CRAMP1: variants seen among roughly 807,000 people sequenced by gnomAD.
CRAMP1 encodes the protein protein cramped-like.
CRAMP1 carries 50 observed loss-of-function variants against 115.4 expected under a neutral mutation model. The observed-to-expected ratio is 0.43, with a 90% CI of 0.35 to 0.55. The LOEUF is 0.55. Ranked by LOEUF, CRAMP1 falls within the 20% of genes least tolerant of loss-of-function variation. The pLI, the probability that CRAMP1 is intolerant of heterozygous loss-of-function variation, is 0.01. For synonymous variants in CRAMP1, 866 were observed against 745.4 expected (o/e 1.16, Z -2.64); for missense variants, 1,679 against 1,721.7 (o/e 0.98, Z 0.44).
chr16:1,659,021 C>T (rs1213001470), intron 10 of CRAMP1, among the ~76,000 whole-genome samples: 1 of 151,966 alleles, frequency 6.6e-6, no homozygotes, highest in African/African-American at 2.4e-5. Context: ...CAGGCTGTGG[C>T]GTGGGCCTGC....
rs1159273751 is a variant in CRAMP1, at chr16:1,656,196, C to G, written c.1439C>G (p.Ala480Gly). 7 of 1,602,196 alleles carry G rather than the reference C, an allele frequency of 4.4e-6. No homozygotes were observed. The South Asian group carries it at 6.6e-5, about 15-fold the overall frequency. ...GKGVGRPPPA[A>G]DALQSSGESS... ...GGTGTGGGGCGGCCCCCTCCTGCGG[C>G]TGACGCCTTGCAGAGCTCCGGAGAG... The change falls in exon 10 of 21, where the codon GCT becomes GGT. Residue 480 changes from alanine (A) to glycine (G), a missense_variant. Transcript: ENST00000397412. The surrounding 1 kb of genome is among the most constrained non-coding windows in gnomAD (Gnocchi z 5.6).
rs763115931 is a variant in CRAMP1 at position 1,655,242 on chromosome 16, A to G, written c.1061A>G (p.Lys354Arg). The G allele has an allele frequency of 8.1e-6, 13 of 1,613,968 alleles. No homozygotes were observed. In the South Asian group the frequency reaches 1.4e-4, roughly 18 times the overall value. ...AGGATGATCGTGGAGCTACATCGAA[A>G]GGTCTCCAGCCTCATCGAATTCTTG... ...RLRMIVELHR[K>R]VSSLIEFLKQ... Residue 354 changes from lysine to arginine, a missense_variant, in exon 9 of 21, where the codon AAG becomes AGG. Lys to Arg is a conservative substitution (Grantham distance 26). Coordinates refer to ENST00000397412, the MANE Select transcript of CRAMP1 (RefSeq NM_020825.4).
At position 1,617,794 on chromosome 16, in the gene CRAMP1, C is replaced by G. The variant is rs904779630; in HGVS notation, c.346+2809C>G. Among the ~76,000 whole-genome samples the G allele has an allele frequency of 2.0e-5, 3 of 152,054 alleles. No homozygotes were observed. The East Asian group carries it at 5.8e-4, about 29-fold the overall frequency. ...CTCTTATTGACTTCAATGAAAAATG[C>G]TTTTTTTTCTAGTTCAGTTTCAAAT... On this transcript the variant is annotated intron_variant, in intron 2 of 20. Coordinates refer to ENST00000397412, the MANE Select transcript of CRAMP1 (RefSeq NM_020825.4).
intron 2 of CRAMP1, among the ~76,000 whole-genome samples, chr16:1,621,626 AG>A (rs1353964960): frequency 6.6e-6 from 1 of 152,136 alleles, no homozygotes; most frequent in Non-Finnish European, 1.5e-5. Flanking sequence ...CCCTTTATCT[AG>A]GCTCCGTGGG....
rs533670379 is a variant in CRAMP1, at chr16:1,676,379, C to T, written c.*2334C>T. 3.9e-5 allele frequency: 6 copies of T among 152,378 alleles called. No homozygotes were observed. In the East Asian group the frequency reaches 7.7e-4, roughly 20 times the overall value. The allele number at this position is 152,378 out of a possible 1,614,324, so 9.4% of individuals were successfully genotyped here. On this transcript the variant is annotated 3_prime_UTR_variant, in exon 21 of 21. Transcript: ENST00000397412. Reference sequence around the variant, plus strand: ...TTCTCTAGTAACTAGACAGGTGATACGCATTTGCTTGCCACATTAAGGGAA... The same window carrying T: ...TTCTCTAGTAACTAGACAGGTGATATGCATTTGCTTGCCACATTAAGGGAA...
At chr16:1,668,875 C>T (rs1284741986) in intron 18 of CRAMP1, 126 bp from the exon 19 acceptor site, 2 of 844,148 alleles carry the variant, frequency 2.4e-6, no homozygotes, top group East Asian at 5.4e-5. Context: ...CGAGCCATGC[C>T]ATCCATCTGG....
rs138933192 is a variant in CRAMP1, at chr16:1,664,112, C to T, written c.2671-945C>T. ...AGTGTCCTGGGGCATTTCAAAGGGT[C>T]AGAACTGCAGCGGCACCCCCAGAGG... On this transcript the variant is annotated intron_variant, in intron 13 of 20. Transcript: ENST00000397412. Among the ~76,000 whole-genome samples, 14 of 152,328 alleles carry T rather than the reference C, an allele frequency of 9.2e-5. 1 individual carries two copies. The East Asian group carries it at 2.7e-3, about 29-fold the overall frequency.
At chr16:1,657,100 A>G (rs1043949500) in intron 10 of CRAMP1, 108 bp downstream of exon 10, 1 of 1,038,984 alleles carries the variant, frequency 9.6e-7, no homozygotes. Context: ...GGTCCAGATG[A>G]GAGAGACAGG....
At position 1,653,066 on chromosome 16, in the gene CRAMP1, G is replaced by A; in HGVS notation, c.947G>A (p.Arg316His). 6.2e-7 allele frequency: 1 copy of A among 1,603,834 alleles called. No homozygotes were observed. Among genetic ancestry groups the A allele is most frequent in the Non-Finnish European group, 8.5e-7 (1 of 1,176,642 alleles). The change falls in exon 8 of 21, where the codon CGC becomes CAC. Residue 316 changes from arginine to histidine, a missense_variant. Transcript: ENST00000397412. The stretch of plus-strand genomic sequence containing the variant: ...GATGAAGAGGACCAGAAGCCAGTGC[G>A]CCTGCCTCTGAAAGTCCCTATAGAG... ...LSDEEDQKPV[R>H]LPLKVPIELQ...
intron 3 of CRAMP1, among the ~76,000 whole-genome samples, chr16:1,631,486 T>C (rs970341347): frequency 1.3e-5 from 2 of 152,184 alleles, no homozygotes; most frequent in African/African-American, 4.8e-5. Context: ...TGCAAAGTGG[T>C]ATTTAGAAAC....
Position 1,668,987 on chromosome 16 carries a change from A to G in CRAMP1, c.3335-14A>G. 1.2e-6 allele frequency: 2 copies of G among 1,612,458 alleles called. No individual in the cohort carries two copies. Among genetic ancestry groups the G allele is most frequent in the Non-Finnish European group, 8.5e-7 (1 of 1,179,276 alleles). On this transcript the variant is annotated splice_polypyrimidine_tract_variant and intron_variant, in intron 18 of 20. Coordinates refer to ENST00000397412, the MANE Select transcript of CRAMP1 (RefSeq NM_020825.4). ...CGCAACAAGGCGTTTCTGATCTGGG[A>G]TCTTGGTTGGCAGGTGAAGGAGTCC...
intron 2 of CRAMP1, among the ~76,000 whole-genome samples, chr16:1,621,495 G>A (rs900706181): frequency 6.6e-6 from 1 of 152,232 alleles, no homozygotes; most frequent in Non-Finnish European, 1.5e-5. Context: ...GTGGCCTCTG[G>A]AGAACTGTGG....
chr16:1,653,245 G>A, intron 8 of CRAMP1, 89 bp downstream of exon 8: 1 of 1,453,082 alleles, frequency 6.9e-7, no homozygotes, highest in Non-Finnish European at 9.3e-7. Flanking sequence ...GGAACTTCCA[G>A]GAGAAGCAGG....
At chr16:1,613,717 G>C (rs969924210) in intron 1 of CRAMP1, among the ~76,000 whole-genome samples, 2 of 152,136 alleles carry the variant, frequency 1.3e-5, no homozygotes, top group African/African-American at 4.8e-5. Context: ...ATTAATTGTT[G>C]CCAAGAGTTT....
intron 3 of CRAMP1, among the ~76,000 whole-genome samples, 157 bp downstream of exon 3, chr16:1,626,323 C>G (rs1393140768): frequency 6.6e-6 from 1 of 152,220 alleles, no homozygotes; most frequent in East Asian, 1.9e-4. Flanking sequence ...CTAGCCTTGC[C>G]CACTGACCTT....
chr16:1,637,839 T>C lies in CRAMP1; in HGVS notation c.710T>C (p.Leu237Pro). The stretch of plus-strand genomic sequence containing the variant: ...TGTTTCTCAGTGTTCTCTCGAGGCC[T>C]GAAGAAGTCATCCCAGGAACTGTAT... ...IDFDHVFSRG[L>P]KKSSQELYGL... is the part of the protein sequence containing the mutation. Residue 237 changes from leucine to proline, a missense_variant, in exon 5 of 21, where the codon CTG (leucine) becomes CCG (proline). Physicochemically the swap from Leu to Pro is moderately conservative, Grantham distance 98 (BLOSUM62 -3). Coordinates refer to ENST00000397412, the MANE Select transcript of CRAMP1 (RefSeq NM_020825.4). The C allele has an allele frequency of 6.4e-7, 1 of 1,555,278 alleles. No homozygotes were observed. Among genetic ancestry groups the C allele is most frequent in the Admixed American group, 2.0e-5 (1 of 49,956 alleles).
intron 6 of CRAMP1, among the ~76,000 whole-genome samples, chr16:1,651,439 TCA>T (rs1490224924): frequency 6.9e-6 from 1 of 145,734 alleles, no homozygotes; most frequent in East Asian, 2.1e-4. Context: ...AGGTGAATTG[TCA>T]CACAGAGGTC....
In CRAMP1 at chr16:1,659,858, G is replaced by T. The variant is rs764450151; in HGVS notation, c.2236-28G>T. On this transcript the variant is annotated intron_variant, in intron 10 of 20. Coordinates refer to ENST00000397412, the MANE Select transcript of CRAMP1 (RefSeq NM_020825.4). ...AGCCATTTCTCATGTGCTGAGTTTGGACATTGTTTGGCCCATTTCTGTCCT... is the reference window on the plus strand; with the variant it reads ...AGCCATTTCTCATGTGCTGAGTTTGTACATTGTTTGGCCCATTTCTGTCCT... The T allele has an allele frequency of 5.6e-6, 9 of 1,609,588 alleles. No homozygotes were observed. The South Asian group carries it at 8.8e-5, about 16-fold the overall frequency.
Position 1,667,315 on chromosome 16 carries a change from TG to T in CRAMP1, c.3037-17del. 1 of 1,611,594 alleles carries T rather than the reference TG, an allele frequency of 6.2e-7. No homozygotes were observed. The highest frequency in any genetic ancestry group is 2.2e-5 in the East Asian group (1 of 44,878). On this transcript the variant is annotated intron_variant, in intron 16 of 20. Coordinates refer to ENST00000397412, the MANE Select transcript of CRAMP1 (RefSeq NM_020825.4). ...ATCTGGTGCACCCTGCGGCTGCTCA[TG>T]GGCGTGCTCTTCCTGCAGGGCTCCG...
Sources: gnomAD v4.1 joint callset for allele counts (sites outside exome capture counted in the v4.1 genomes callset) on GRCh38, gnomAD v4.1.1 for gene constraint, Gnocchi (gnomAD v3.1) non-coding constraint, MANE v1.5 for transcripts, NCBI Gene and HGNC (gene_info 2026-07-23, HGNC 2026-07-21) for gene names.